The following LAMA4 variants were observed in gnomAD, a reference collection of about 807,000 sequenced individuals.
The protein encoded by LAMA4 is laminin subunit alpha 4.
LAMA4 carries 127 observed loss-of-function variants against 207.1 expected under a neutral mutation model. The observed-to-expected ratio is 0.61, with a 90% CI of 0.53 to 0.71. The LOEUF is 0.71. Among genes scored for constraint, LAMA4 ranks in the 30% least tolerant of loss-of-function variants. LAMA4 has a pLI of 0.00. For missense variants in LAMA4, 2,093 were observed against 2,246.5 expected (o/e 0.93, Z 1.38); for synonymous variants, 761 against 816.0 (o/e 0.93, Z 1.15).
chr6:112,120,163 GA>G (rs1778263916), intron 33 of LAMA4, 119 bp downstream of exon 33: 1 of 804,924 alleles, frequency 1.2e-6, no homozygotes, highest in African/African-American at 1.7e-5. Flanking sequence ...ATTGAATTCT[GA>G]GTGTGCAGCA....
intron 5 of LAMA4, among the ~76,000 whole-genome samples, chr6:112,200,878 G>A (rs1405581330): frequency 3.9e-5 from 6 of 151,922 alleles, no homozygotes; most frequent in African/African-American, 1.5e-4. Context: ...ACCGGGGCCT[G>A]TCAGTGGGTG....
rs1554333230 is a variant in LAMA4 at position 112,141,478 on chromosome 6, G to A, written c.2693C>T (p.Ala898Val). The A allele has an allele frequency of 6.2e-7, 1 of 1,608,502 alleles. No individual in the cohort carries two copies. The highest frequency in any genetic ancestry group is 1.3e-5 in the African/African-American group (1 of 74,774). Residue 898 changes from alanine to valine, a missense_variant, in exon 21 of 39, where the codon GCA (alanine) becomes GTA (valine). Physicochemically the swap from Ala to Val is moderately conservative, Grantham distance 64. Coordinates refer to ENST00000230538, the MANE Select transcript of LAMA4 (RefSeq NM_001105206.3). ...GTATACCAGATTATCATTTTTGATTGCAAGACCCATATACTCTTTTTTGGC... is the reference window on the plus strand; with the variant it reads ...GTATACCAGATTATCATTTTTGATTACAAGACCCATATACTCTTTTTTGGC... ...KNAKKEYMGL[A>V]IKNDNLVYVY...
In LAMA4 at chr6:112,185,494, A is replaced by C. The variant is rs183758030; in HGVS notation, c.967-147T>G. On this transcript the variant is annotated intron_variant, in intron 8 of 38. Transcript: ENST00000230538. ...GGGGTCCGCAGGCTGCTGCAGCCTGATATGAAGGGTGGGGTCTGCAGAGGG... is the reference window on the plus strand; with the variant it reads ...GGGGTCCGCAGGCTGCTGCAGCCTGCTATGAAGGGTGGGGTCTGCAGAGGG... The C allele has an allele frequency of 9.6e-4, 614 of 638,658 alleles. 6 individuals are homozygous for C. The Admixed American group carries it at 0.014, about 15-fold the overall frequency. 39.6% of individuals were successfully genotyped at this position (638,658 alleles called of 1,614,324 possible).
intron 2 of LAMA4, among the ~76,000 whole-genome samples, chr6:112,248,047 C>A (rs1236147961): frequency 6.6e-6 from 1 of 152,062 alleles, no homozygotes; most frequent in East Asian, 1.9e-4. Flanking sequence ...TTCATAGAGA[C>A]AAAGTAGAAT....
intron 9 of LAMA4, 108 bp downstream of exon 9, chr6:112,185,129 T>C (rs1554346239): frequency 8.8e-6 from 7 of 799,004 alleles, no homozygotes; most frequent in Non-Finnish European, 1.6e-5. Context: ...GGTCACTGCA[T>C]TTTTTCTGGG....
intron 2 of LAMA4, among the ~76,000 whole-genome samples, chr6:112,238,719 TAAAC>T (rs557673457): frequency 0.011 from 1,632 of 152,034 alleles, 26 homozygotes; most frequent in African/African-American, 0.038. Context: ...AATAAATAAA[TAAAC>T]AAATAAATAA....
intron 2 of LAMA4, among the ~76,000 whole-genome samples, chr6:112,220,013 G>A (rs561874101): frequency 5.9e-5 from 9 of 152,140 alleles, no homozygotes; most frequent in Non-Finnish European, 8.8e-5. Context: ...AATTTTTGCT[G>A]CTATTAACAT....
intron 16 of LAMA4, among the ~76,000 whole-genome samples, chr6:112,152,050 C>A (rs1780434053): frequency 1.3e-5 from 2 of 152,014 alleles, no homozygotes; most frequent in Admixed American, 1.3e-4. Flanking sequence ...ATTTGATTTG[C>A]TAATATATTG....
intron 2 of LAMA4, among the ~76,000 whole-genome samples, chr6:112,239,671 A>G (rs1364531001): frequency 6.6e-6 from 1 of 152,160 alleles, no homozygotes; most frequent in Non-Finnish European, 1.5e-5. Context: ...TTTCAGCACT[A>G]CACTTGTATT....
At position 112,142,209 on chromosome 6, in the gene LAMA4, C is replaced by T. The variant is rs397516724; in HGVS notation, c.2577G>A (p.Thr859=). ...RTSMDDLKAF[T]SLSLYMKPPV... Reference sequence around the variant, plus strand: ...GGGGTTTCATGTACAGGCTCAGAGACGTGAAGGCCTTTAAGTCATCCATAC... The same window carrying T: ...GGGGTTTCATGTACAGGCTCAGAGATGTGAAGGCCTTTAAGTCATCCATAC... Residue 859 remains threonine, a synonymous_variant, in exon 20 of 39, where the codon ACG becomes ACA. Transcript: ENST00000230538. 29 of 1,613,982 alleles carry T rather than the reference C, an allele frequency of 1.8e-5. No individual in the cohort carries two copies. Among genetic ancestry groups the T allele is most frequent in the East Asian group, 1.8e-4 (8 of 44,886 alleles).
At chr6:112,187,778 G>A (rs1412169931) in intron 7 of LAMA4, among the ~76,000 whole-genome samples, 177 bp from the exon 8 acceptor site, 2 of 152,150 alleles carry the variant, frequency 1.3e-5, no homozygotes, top group Non-Finnish European at 2.9e-5. Context: ...AGCTAGTGAA[G>A]ATGGCTATTG....
intron 5 of LAMA4, among the ~76,000 whole-genome samples, chr6:112,197,223 A>G (rs1029699111): frequency 6.6e-6 from 1 of 152,172 alleles, no homozygotes; most frequent in Non-Finnish European, 1.5e-5. Flanking sequence ...TTTGGTGAGT[A>G]GCATGTCCAA....
At chr6:112,197,834 T>A (rs534894444) in intron 5 of LAMA4, among the ~76,000 whole-genome samples, 1 of 152,216 alleles carries the variant, frequency 6.6e-6, no homozygotes, top group South Asian at 2.1e-4. Flanking sequence ...TTGTCTGTAA[T>A]GTGTCATTGA....
At position 112,186,259 on chromosome 6, in the gene LAMA4, AG is replaced by A. The variant is rs200352164; in HGVS notation, c.967-913del. On this transcript the variant is annotated intron_variant, in intron 8 of 38. Coordinates refer to ENST00000230538, the MANE Select transcript of LAMA4 (RefSeq NM_001105206.3). ...GAGGCAATAATTATTCAGGAAACTG[AG>A]GAATTATAGAGGTTAAATAACTTAC... Among the ~76,000 whole-genome samples, 927 of 152,306 alleles carry A rather than the reference AG, an allele frequency of 6.1e-3. 6 individuals are homozygous for A. The highest frequency in any genetic ancestry group is 0.021 in the African/African-American group (890 of 41,556).
chr6:112,111,413 T>C (rs1277880778), intron 38 of LAMA4, among the ~76,000 whole-genome samples: 1 of 152,228 alleles, frequency 6.6e-6, no homozygotes, highest in Non-Finnish European at 1.5e-5. Context: ...TTTTTTGGTG[T>C]GTAGTTCTAG....
At position 112,129,869 on chromosome 6, in the gene LAMA4, A is replaced by G. The variant is rs1554329002; in HGVS notation, c.4133+7T>C. 1.9e-6 allele frequency: 3 copies of G among 1,555,262 alleles called. No homozygotes were observed. Among genetic ancestry groups the G allele is most frequent in the Non-Finnish European group, 2.6e-6 (3 of 1,142,504 alleles). On this transcript the variant is annotated splice_region_variant and intron_variant, in intron 30 of 38. Transcript: ENST00000230538. ...ATGCAGATTCATTAATAATAAAAAT[A>G]TTATACCTGGTAAAGTAGGCATTAC...
intron 8 of LAMA4, among the ~76,000 whole-genome samples, chr6:112,186,367 T>G (rs1235455651): frequency 6.6e-6 from 1 of 152,206 alleles, no homozygotes; most frequent in African/African-American, 2.4e-5. Context: ...TCTCAATCAT[T>G]TTCCTAAATT....
intron 6 of LAMA4, among the ~76,000 whole-genome samples, chr6:112,189,679 C>T (rs1554347908): frequency 6.6e-6 from 1 of 152,120 alleles, no homozygotes. Context: ...TGAGGAGGCC[C>T]AGGAGCGATT....
chr6:112,150,611 C>A lies in LAMA4; in HGVS notation c.2073G>T (p.Val691=). The change falls in exon 17 of 39, where the codon GTG becomes GTT. Residue 691 remains valine, a synonymous_variant. Transcript: ENST00000230538. The part of the protein sequence containing the change: ...AKAESSSDEA[V]ADTSRRVGGA... The stretch of plus-strand genomic sequence containing the variant: ...CACCCACACGCCTGCTAGTGTCAGC[C>A]ACTGCTTCATCACTGCCTGTGGAAG... The A allele has an allele frequency of 6.2e-7, 1 of 1,613,730 alleles. No homozygotes were observed. The highest frequency in any genetic ancestry group is 8.5e-7 in the Non-Finnish European group (1 of 1,179,662).
Sources: gnomAD v4.1 joint callset for allele counts (sites outside exome capture counted in the v4.1 genomes callset) on GRCh38, gnomAD v4.1.1 for gene constraint, MANE v1.5 for transcripts, NCBI Gene and HGNC (gene_info 2026-07-23, HGNC 2026-07-21) for gene names.